SEL1L2: variants seen among roughly 807,000 people sequenced by gnomAD.
SEL1L2 encodes the protein protein sel-1 homolog 2.
A neutral mutation model predicts 98.8 loss-of-function variants in SEL1L2; 89 were observed. That is an observed-to-expected ratio of 0.90 (90% CI 0.76 to 1.07). The LOEUF is 1.07. SEL1L2 is among the 50% of genes least tolerant of loss of function. The pLI is 0.00. For synonymous variants in SEL1L2, 262 were observed against 278.5 expected (o/e 0.94, Z 0.59); for missense variants, 788 against 812.0 (o/e 0.97, Z 0.36).
chr20:13,886,274 T>C lies in SEL1L2; in HGVS notation c.900+14A>G, dbSNP rs2046950336. Reference sequence around the variant, plus strand: ...TTCATGTTCTAAAAACTCAATCTCATCTGTATACATTACTTGTATCTGAAC... The same window carrying C: ...TTCATGTTCTAAAAACTCAATCTCACCTGTATACATTACTTGTATCTGAAC... On this transcript the variant is annotated intron_variant, in intron 9 of 19. Transcript: ENST00000284951. 5 of 1,589,538 alleles carry C rather than the reference T, an allele frequency of 3.1e-6. No homozygotes were observed. In the East Asian group the frequency reaches 1.1e-4, roughly 36 times the overall value.
intron 1 of SEL1L2, among the ~76,000 whole-genome samples, chr20:13,974,149 G>T (rs1600996883): frequency 6.6e-6 from 1 of 152,284 alleles, no homozygotes; most frequent in South Asian, 2.1e-4. Context: ...ATGTTCAGGT[G>T]CAGGGCTGGG....
At chr20:13,939,040 G>GTTTTTTTT (rs386365633) in intron 2 of SEL1L2, among the ~76,000 whole-genome samples, 4 of 114,068 alleles carry the variant, frequency 3.5e-5, no homozygotes, top group Non-Finnish European at 3.5e-5. Context: ...TGCTTGTTTT[G>GTTTTTTTT]TTTTTTTTTT....
chr20:13,889,775 A>C (rs1252689075), intron 5 of SEL1L2, among the ~76,000 whole-genome samples: 1 of 152,214 alleles, frequency 6.6e-6, no homozygotes, highest in Non-Finnish European at 1.5e-5. Flanking sequence ...TGGGTGACAG[A>C]GTGAGACTCC....
At chr20:13,962,053 A>G (rs1482343138) in intron 1 of SEL1L2, among the ~76,000 whole-genome samples, 1 of 152,182 alleles carries the variant, frequency 6.6e-6, no homozygotes, top group African/African-American at 2.4e-5. Context: ...AGACCATGAG[A>G]TGATGGATTC....
chr20:13,920,737 A>G (rs1254177995), intron 3 of SEL1L2, among the ~76,000 whole-genome samples: 1 of 152,240 alleles, frequency 6.6e-6, no homozygotes, highest in African/African-American at 2.4e-5. Context: ...CATTAACAAG[A>G]CCACAAAGAA....
At chr20:13,970,314 TA>T (rs1340225692) in intron 1 of SEL1L2, among the ~76,000 whole-genome samples, 1 of 152,210 alleles carries the variant, frequency 6.6e-6, no homozygotes, top group African/African-American at 2.4e-5. Context: ...GATAGACATT[TA>T]TGATGTTTTT....
Position 13,865,147 on chromosome 20 carries a change from T to G in SEL1L2, c.1645+20A>C. 1 of 1,600,314 alleles carries G rather than the reference T, an allele frequency of 6.2e-7. No individual in the cohort carries two copies. Among genetic ancestry groups the G allele is most frequent in the Middle Eastern group, 1.9e-4 (1 of 5,300 alleles). The stretch of plus-strand genomic sequence containing the variant: ...AGGACAGGGACCGGGTATGTGCTTA[T>G]TTTTATCTGGGTTCCATACCTTGAA... On this transcript the variant is annotated intron_variant, in intron 17 of 19. Transcript: ENST00000284951.
At chr20:13,952,999 C>G (rs765968035) in intron 2 of SEL1L2, among the ~76,000 whole-genome samples, 9 of 152,278 alleles carry the variant, frequency 5.9e-5, no homozygotes, top group Middle Eastern at 3.4e-3. Flanking sequence ...TCTTTCCTCT[C>G]TTCACTGATA....
At chr20:13,937,694 T>C (rs967033149) in intron 2 of SEL1L2, among the ~76,000 whole-genome samples, 2 of 152,210 alleles carry the variant, frequency 1.3e-5, no homozygotes, top group African/African-American at 4.8e-5. Context: ...ACATCACATA[T>C]TACATGTTTT....
chr20:13,961,894 G>T (rs1358818786), intron 1 of SEL1L2, among the ~76,000 whole-genome samples: 1 of 152,124 alleles, frequency 6.6e-6, no homozygotes, highest in African/African-American at 2.4e-5. Flanking sequence ...CTCTCCTTTT[G>T]GGACAGCAGT....
chr20:13,962,330 T>G (rs576914036), intron 1 of SEL1L2, among the ~76,000 whole-genome samples: 1 of 152,352 alleles, frequency 6.6e-6, no homozygotes, highest in East Asian at 1.9e-4. Context: ...ATGTGGCAGA[T>G]GACACTTCAA....
At chr20:13,994,132 T>TA (rs1042251492), upstream of SEL1L2, among the ~76,000 whole-genome samples, 13 of 151,658 alleles carry the variant, frequency 8.6e-5, no homozygotes, top group Non-Finnish European at 1.8e-4. Flanking sequence ...CCATGTTTAC[T>TA]AAAAAAATAC....
At chr20:13,941,721 T>C (rs545570267) in intron 2 of SEL1L2, among the ~76,000 whole-genome samples, 3 of 152,332 alleles carry the variant, frequency 2.0e-5, no homozygotes, top group African/African-American at 7.2e-5. Context: ...GTATATGTGG[T>C]AATACCTTCA....
chr20:13,975,613 A>G (rs1021037755), intron 1 of SEL1L2, among the ~76,000 whole-genome samples: 6 of 152,238 alleles, frequency 3.9e-5, no homozygotes, highest in African/African-American at 1.4e-4. Flanking sequence ...TTTACAAAGT[A>G]TAGCATTACA....
intron 3 of SEL1L2, among the ~76,000 whole-genome samples, chr20:13,920,361 T>G (rs2048603183): frequency 6.6e-6 from 1 of 152,156 alleles, no homozygotes; most frequent in African/African-American, 2.4e-5. Flanking sequence ...AGAATCAGTT[T>G]TGCAGAATTC....
intron 3 of SEL1L2, among the ~76,000 whole-genome samples, chr20:13,927,803 T>C (rs750546683): frequency 1.3e-5 from 2 of 152,176 alleles, no homozygotes; most frequent in Non-Finnish European, 2.9e-5. Context: ...CATATTCTTG[T>C]TTCATTCCAC....
At chr20:13,911,041 T>C (rs1438684356) in intron 5 of SEL1L2, among the ~76,000 whole-genome samples, 1 of 152,266 alleles carries the variant, frequency 6.6e-6, no homozygotes, top group African/African-American at 2.4e-5. Flanking sequence ...GTGAAATCTT[T>C]GTTATTTCCT....
chr20:13,939,741 A>C (rs1424726668), intron 2 of SEL1L2, among the ~76,000 whole-genome samples: 1 of 145,084 alleles, frequency 6.9e-6, no homozygotes, highest in Non-Finnish European at 1.5e-5. Flanking sequence ...GTCTCAGCTC[A>C]CTGTAACCTC....
In SEL1L2 at chr20:13,865,583, G is replaced by A. The variant is rs543652234; in HGVS notation, c.1405-69C>T. 228 of 1,378,130 alleles carry A rather than the reference G, an allele frequency of 1.7e-4. 1 individual carries two copies. The South Asian group carries it at 2.8e-3, about 17-fold the overall frequency. 85.4% of individuals were successfully genotyped at this position (1,378,130 alleles called of 1,614,324 possible). On this transcript the variant is annotated intron_variant, in intron 15 of 19. Transcript: ENST00000284951. ...GCTTCACCCCAGGCAAATGAGAAAG[G>A]AAATCAGTCTTCAGCTCCTACCAGC...
Sources: gnomAD v4.1 joint callset for allele counts (sites outside exome capture counted in the v4.1 genomes callset) on GRCh38, gnomAD v4.1.1 for gene constraint, MANE v1.5 for transcripts, NCBI Gene and HGNC (gene_info 2026-07-23, HGNC 2026-07-21) for gene names.